The following CX3CR1 variants were observed in gnomAD, a reference collection of about 807,000 sequenced individuals.
The protein encoded by CX3CR1 is C-X3-C motif chemokine receptor 1, also known as CX3C chemokine receptor 1.
For synonymous variants in CX3CR1, 168 were observed against 178.5 expected, an observed-to-expected ratio of 0.94 and a Z score of 0.47; for missense variants, 363 against 432.4, an observed-to-expected ratio of 0.84 and a Z score of 1.42.
chr3:39,289,914 T>A, the CX3CR1 span, among the ~76,000 whole-genome samples: 1 of 152,166 alleles, frequency 6.6e-6, no homozygotes, highest in Non-Finnish European at 1.5e-5. Context: ...ACTTCCAGCT[T>A]CCAGAACTGT....
chr3:39,270,071 G>A (rs985539789), intron 1 of CX3CR1, among the ~76,000 whole-genome samples: 2 of 152,240 alleles, frequency 1.3e-5, no homozygotes, highest in Non-Finnish European at 2.9e-5. Flanking sequence ...CTGAGGCCAA[G>A]GCCTGTGCTG....
intron 1 of CX3CR1, among the ~76,000 whole-genome samples, chr3:39,266,929 G>A (rs865893323): frequency 6.6e-6 from 1 of 152,160 alleles, no homozygotes; most frequent in Middle Eastern, 3.4e-3. Flanking sequence ...GATTATAGGC[G>A]TGCACTACCA....
Position 39,266,212 on chromosome 3 carries a change from C to T in CX3CR1, c.298G>A (p.Ala100Thr), listed in dbSNP as rs2040697648. 6.2e-7 allele frequency: 1 copy of T among 1,614,074 alleles called. No homozygotes were observed. Residue 100 changes from alanine to threonine, a missense_variant, in exon 2 of 2, where the codon GCC becomes ACC. By Grantham distance (58) the Ala-to-Thr change is moderately conservative. Transcript: ENST00000399220. ...AAGGCGGTAGTGAATTTGCACATGG[C>T]ATTGTGGAGGCCCTTTTCATTTATC... Reference protein sequence around the residue: ...YLINEKGLHNAMCKFTTAFFF... With the variant: ...YLINEKGLHNTMCKFTTAFFF...
chr3:39,288,746 T>A, the CX3CR1 span, among the ~76,000 whole-genome samples: 5 of 152,240 alleles, frequency 3.3e-5, no homozygotes, highest in South Asian at 4.1e-4. Context: ...TACAGTTTTG[T>A]GATGAGCCAG....
At position 39,265,253 on chromosome 3, in the gene CX3CR1, C is replaced by A. The variant is rs1575205315; in HGVS notation, c.*189G>T. Reference sequence around the variant, plus strand: ...AGAGAAATGTCTACTCTTTGTCATTCAAAGAGTTCAATTTGTTCATTCTTC... The same window carrying A: ...AGAGAAATGTCTACTCTTTGTCATTAAAAGAGTTCAATTTGTTCATTCTTC... On this transcript the variant is annotated 3_prime_UTR_variant, in exon 2 of 2. Coordinates refer to ENST00000399220, the MANE Select transcript of CX3CR1 (RefSeq NM_001337.4). 4 of 575,768 alleles carry A rather than the reference C, an allele frequency of 6.9e-6. No homozygotes were observed. The East Asian group carries it at 1.1e-4, about 17-fold the overall frequency. The allele number at this position is 575,768 out of a possible 1,614,324, so 35.7% of individuals were successfully genotyped here. A position where few individuals can be genotyped will look rare whatever the true frequency, so the allele number is the denominator to read the frequency against.
the CX3CR1 span, chr3:39,287,286 A>G: frequency 1.3e-5 from 2 of 152,340 alleles, no homozygotes; most frequent in Admixed American, 1.3e-4. Context: ...TGTTTAAGGT[A>G]ATGAAGACCT....
chr3:39,282,250 C>T (rs2040909626), upstream of CX3CR1, among the ~76,000 whole-genome samples: 5 of 152,168 alleles, frequency 3.3e-5, no homozygotes, highest in Admixed American at 3.3e-4. Flanking sequence ...CCTCCTTGGG[C>T]CTCTGTAAAG....
At chr3:39,266,676 A>G (rs776600535) in intron 1 of CX3CR1, 158 bp from the exon 2 acceptor site, 2 of 798,722 alleles carry the variant, frequency 2.5e-6, no homozygotes, top group Non-Finnish European at 4.5e-6. Flanking sequence ...TTTAATCCCC[A>G]CAACAGTCTT....
intron 1 of CX3CR1, among the ~76,000 whole-genome samples, chr3:39,276,213 G>C (rs1339727081): frequency 6.6e-6 from 1 of 152,214 alleles, no homozygotes; most frequent in Non-Finnish European, 1.5e-5. Flanking sequence ...GAAAGCCAAG[G>C]CTGAAAAGGG....
In CX3CR1 at chr3:39,265,853, A is replaced by G. The variant is rs4986872; in HGVS notation, c.657T>C (p.Phe219=). Reference sequence around the variant, plus strand: ...TGGCTTTCTTGTGGTTCTTGCAGGAAAACAGCGTCTGGATGATTCTGAAGT... The same window carrying G: ...TGGCTTTCTTGTGGTTCTTGCAGGAGAACAGCGTCTGGATGATTCTGAAGT... ...YCYFRIIQTL[F]SCKNHKKAKA... Residue 219 remains phenylalanine (F), a synonymous_variant, in exon 2 of 2, where the codon TTT becomes TTC. Coordinates refer to ENST00000399220, the MANE Select transcript of CX3CR1 (RefSeq NM_001337.4). 200 of 1,614,236 alleles carry G rather than the reference A, an allele frequency of 1.2e-4. No individual in the cohort carries two copies. The African/African-American group carries it at 2.3e-3, about 18-fold the overall frequency.
the CX3CR1 span, chr3:39,287,413 G>A: frequency 4.6e-5 from 7 of 152,324 alleles, no homozygotes; most frequent in East Asian, 1.3e-3. Flanking sequence ...AGTGTTTGGT[G>A]TCCAGCAAGC....
the CX3CR1 span, among the ~76,000 whole-genome samples, chr3:39,290,780 G>T: frequency 5.9e-5 from 9 of 152,062 alleles, no homozygotes; most frequent in Admixed American, 1.3e-4. Flanking sequence ...AATTTGCCAG[G>T]CATGGTGGTG....
intron 1 of CX3CR1, among the ~76,000 whole-genome samples, chr3:39,276,673 T>C (rs1284362386): frequency 6.6e-6 from 1 of 152,254 alleles, no homozygotes; most frequent in Non-Finnish European, 1.5e-5. Context: ...TTGTTGCTAG[T>C]TTGGACAATG....
chr3:39,273,264 T>G (rs1214185002), intron 1 of CX3CR1, among the ~76,000 whole-genome samples: 4 of 152,218 alleles, frequency 2.6e-5, no homozygotes, highest in Admixed American at 6.5e-5. Flanking sequence ...CCTCAGGGAT[T>G]GGTGAGTGGA....
At chr3:39,280,383 G>A (rs1013986136), upstream of CX3CR1, 5 of 985,346 alleles carry the variant, frequency 5.1e-6, no homozygotes, top group African/African-American at 8.7e-5. Flanking sequence ...CCACGAGAGG[G>A]AGCCCAGAGT....
At chr3:39,283,839 A>ATATATG, upstream of CX3CR1, among the ~76,000 whole-genome samples, 1 of 121,654 alleles carries the variant, frequency 8.2e-6, no homozygotes, top group East Asian at 2.5e-4. Flanking sequence ...ATATATATAT[A>ATATATG]TAATGTGGTT....
chr3:39,287,990 G>A, the CX3CR1 span: 3 of 108,494 alleles, frequency 2.8e-5, no homozygotes, highest in African/African-American at 1.2e-4. Flanking sequence ...ATGATTTAAT[G>A]TGTGTGTGTG....
At chr3:39,284,703 G>A (rs1029244389), upstream of CX3CR1, among the ~76,000 whole-genome samples, 2 of 152,166 alleles carry the variant, frequency 1.3e-5, no homozygotes, top group African/African-American at 4.8e-5. Context: ...TTCTAGTCAG[G>A]TATTATTTTT....
upstream of CX3CR1, among the ~76,000 whole-genome samples, chr3:39,282,652 T>A (rs1457587294): frequency 1.3e-5 from 2 of 152,044 alleles, no homozygotes; most frequent in Non-Finnish European, 2.9e-5. Context: ...GGAGACTTGG[T>A]GTGAATAAAG....
Sources: allele counts gnomAD v4.1 joint callset (sites outside exome capture counted in the v4.1 genomes callset), GRCh38; gene constraint gnomAD v4.1.1; transcripts MANE v1.5; gene names NCBI Gene and HGNC (gene_info 2026-07-23, HGNC 2026-07-21).